The following C9orf40 variants were observed in gnomAD, a reference collection of about 807,000 sequenced individuals.
The protein encoded by C9orf40 is chromosome 9 open reading frame 40, also known as uncharacterized protein C9orf40.
In C9orf40, 2 loss-of-function variants were observed where a neutral mutation model predicts 7.9. The ratio of observed to expected loss-of-function variants is 0.25; its 90% CI spans 0.10 to 0.80. The LOEUF is 0.80. C9orf40 is among the 30% of genes least tolerant of loss of function. The probability of loss-of-function intolerance (pLI) is 0.68; values close to 1 mark genes in which losing one functional copy is unlikely to be tolerated. For missense variants in C9orf40, 256 were observed against 268.5 expected (o/e 0.95, Z 0.33); for synonymous variants, 113 against 117.6 (o/e 0.96, Z 0.25).
chr9:74,949,368 AAAAC>A (rs1263255945), intron 1 of C9orf40, among the ~76,000 whole-genome samples: 1 of 152,226 alleles, frequency 6.6e-6, no homozygotes, highest in East Asian at 1.9e-4. Flanking sequence ...CAATTTATGA[AAAAC>A]AAACAAATAA....
At position 74,948,158 on chromosome 9, in the gene C9orf40, G is replaced by A. The variant is rs186036248; in HGVS notation, c.475C>T (p.Pro159Ser). 11 of 1,612,666 alleles carry A rather than the reference G, an allele frequency of 6.8e-6. No homozygotes were observed. In the Admixed American group the frequency reaches 1.5e-4, roughly 22 times the overall value. Reference protein sequence around the residue: ...QYNTFQYWRNPLPPIDLADIE... With the variant: ...QYNTFQYWRNSLPPIDLADIE... ...TCTGCCAGATCAATAGGAGGCAAAG[G>A]ATTCCTCCAGTACTGGAAGGTATTA... The change falls in exon 2 of 2, where the codon CCT becomes TCT. Residue 159 changes from proline (P) to serine (S), a missense_variant. Physicochemically the swap from Pro to Ser is moderately conservative, Grantham distance 74. Coordinates refer to ENST00000376854, the MANE Select transcript of C9orf40 (RefSeq NM_017998.3).
At chr9:74,951,616 T>C (rs1187687589) in intron 1 of C9orf40, among the ~76,000 whole-genome samples, 7 of 152,162 alleles carry the variant, frequency 4.6e-5, no homozygotes, top group Admixed American at 4.6e-4. Context: ...AATGATACTT[T>C]TGCCTAGGAT....
chr9:74,950,305 G>A (rs1003664821), intron 1 of C9orf40, among the ~76,000 whole-genome samples: 1 of 152,224 alleles, frequency 6.6e-6, no homozygotes, highest in African/African-American at 2.4e-5. Context: ...GGCTACTAGA[G>A]AACTCTTACG....
At chr9:74,950,855 T>C (rs889940276) in intron 1 of C9orf40, among the ~76,000 whole-genome samples, 4 of 152,182 alleles carry the variant, frequency 2.6e-5, no homozygotes, top group Admixed American at 6.5e-5. Flanking sequence ...GAAAAAGTAG[T>C]ATGAATTCCT....
chr9:74,952,163 G>GCCCCCCCCCCCC lies in C9orf40; in HGVS notation c.426+22_426+23insGGGGGGGGGGGG. The GCCCCCCCCCCCC allele has an allele frequency of 2.8e-6, 1 of 351,746 alleles. No individual in the cohort carries two copies. Among genetic ancestry groups the GCCCCCCCCCCCC allele is most frequent in the Non-Finnish European group, 4.7e-6 (1 of 211,700 alleles). 21.8% of individuals were successfully genotyped at this position (351,746 alleles called of 1,614,324 possible). The stretch of plus-strand genomic sequence containing the variant: ...AAAAGGCAAGCCCCTTCGCCCCTCA[G>GCCCCCCCCCCCC]CCCACCCGCCCCCAGCCCCTACCTG... On this transcript the variant is annotated intron_variant, in intron 1 of 1. Transcript: ENST00000376854. This position sits in a 1 kb window ranked among gnomAD's most constrained non-coding sequence, Gnocchi z 5.4.
Position 74,952,412 on chromosome 9 carries a change from G to A in C9orf40, c.200C>T (p.Ser67Leu), listed in dbSNP as rs145798184. 3.1e-6 allele frequency: 5 copies of A among 1,589,790 alleles called. No individual in the cohort carries two copies. Among genetic ancestry groups the A allele is most frequent in the East Asian group, 2.3e-5 (1 of 43,406 alleles). The change falls in exon 1 of 2, where the codon TCG becomes TTG. Residue 67 changes from serine to leucine, a missense_variant. Ser to Leu is a moderately radical substitution (Grantham distance 145). Coordinates refer to ENST00000376854, the MANE Select transcript of C9orf40 (RefSeq NM_017998.3). This position sits in a 1 kb window ranked among gnomAD's most constrained non-coding sequence, Gnocchi z 5.4. Reference protein sequence around the residue: ...KIDAGTMAEPSASPSKRRDSG... With the variant: ...KIDAGTMAEPLASPSKRRDSG... ...GTCACGGCGCTTGCTGGGCGAAGCCGAGGGCTCTGCCATGGTCCCTGCGTC... is the reference window on the plus strand; with the variant it reads ...GTCACGGCGCTTGCTGGGCGAAGCCAAGGGCTCTGCCATGGTCCCTGCGTC...
At chr9:74,949,804 T>C (rs750019587) in intron 1 of C9orf40, among the ~76,000 whole-genome samples, 5 of 152,130 alleles carry the variant, frequency 3.3e-5, no homozygotes, top group South Asian at 2.1e-4. Flanking sequence ...GAGAGCATGA[T>C]TGTAAAAGAG....
rs1280877147 is a variant in C9orf40, at chr9:74,952,310, G to GGCGGCA, written c.296_301dup (p.Leu99_Pro100dup). ...CCCCGGCCCCGGCAGTACGGGCGGC[G>GGCGGCA]GCGGCAGCGGCGGATCGCCTGTCTC... On this transcript the variant is annotated inframe_insertion, in exon 1 of 2. Transcript: ENST00000376854. The surrounding 1 kb of genome is among the most constrained non-coding windows in gnomAD (Gnocchi z 5.4). 2 of 1,375,926 alleles carry GGCGGCA rather than the reference G, an allele frequency of 1.5e-6. No homozygotes were observed. The highest frequency in any genetic ancestry group is 1.5e-5 in the African/African-American group (1 of 67,164). 85.2% of individuals were successfully genotyped at this position (1,375,926 alleles called of 1,614,324 possible). A position where few individuals can be genotyped will look rare whatever the true frequency, so the allele number is the denominator to read the frequency against.
In C9orf40 at chr9:74,952,596, C is replaced by T; in HGVS notation, c.16G>A (p.Ala6Thr). The T allele has an allele frequency of 6.4e-7, 1 of 1,568,662 alleles. No individual in the cohort carries two copies. The highest frequency in any genetic ancestry group is 1.8e-5 in the Admixed American group (1 of 55,834). Residue 6 changes from alanine to threonine, a missense_variant, in exon 1 of 2, where the codon GCG (alanine) becomes ACG (threonine). Ala to Thr is a moderately conservative substitution (Grantham distance 58). Coordinates refer to ENST00000376854, the MANE Select transcript of C9orf40 (RefSeq NM_017998.3). The surrounding 1 kb of genome is among the most constrained non-coding windows in gnomAD (Gnocchi z 5.4). MAKRRAAEPVTFHVPW... is the reference protein window; with the variant it reads MAKRRTAEPVTFHVPW... ...ACGTGGAACGTCACCGGCTCGGCCG[C>T]ACGCCGCTTGGCCATGGGCCCAGAG...
rs1184765168 is a variant in C9orf40 at position 74,947,439 on chromosome 9, T to C, written c.*609A>G. ...TTCATTTTTCTTTATCCATCTTCAG[T>C]TGCCCATAGTAGAGCTTAACCAACA... On this transcript the variant is annotated 3_prime_UTR_variant, in exon 2 of 2. Transcript: ENST00000376854. The C allele has an allele frequency of 6.6e-6, 1 of 152,660 alleles. No individual in the cohort carries two copies. Among genetic ancestry groups the C allele is most frequent in the African/African-American group, 2.4e-5 (1 of 41,458 alleles). The allele number at this position is 152,660 out of a possible 1,614,324, so 9.5% of individuals were successfully genotyped here. A position where few individuals can be genotyped will look rare whatever the true frequency, so the allele number is the denominator to read the frequency against.
At chr9:74,951,164 C>T (rs1832290402) in intron 1 of C9orf40, among the ~76,000 whole-genome samples, 1 of 152,106 alleles carries the variant, frequency 6.6e-6, no homozygotes, top group African/African-American at 2.4e-5. Flanking sequence ...CTAGGCAAAC[C>T]GAGGCATACC....
chr9:74,952,304 G>GGCGGCGGCGGCA lies in C9orf40; in HGVS notation c.296_307dup (p.Leu99_Pro102dup). The GGCGGCGGCGGCA allele has an allele frequency of 7.3e-7, 1 of 1,367,122 alleles. No individual in the cohort carries two copies. Among genetic ancestry groups the GGCGGCGGCGGCA allele is most frequent in the Non-Finnish European group, 9.4e-7 (1 of 1,061,850 alleles). 84.7% of individuals were successfully genotyped at this position (1,367,122 alleles called of 1,614,324 possible). A position where few individuals can be genotyped will look rare whatever the true frequency, so the allele number is the denominator to read the frequency against. ...CTCCTCCCCCGGCCCCGGCAGTACG[G>GGCGGCGGCGGCA]GCGGCGGCGGCAGCGGCGGATCGCC... On this transcript the variant is annotated inframe_insertion, in exon 1 of 2. Transcript: ENST00000376854. This position sits in a 1 kb window ranked among gnomAD's most constrained non-coding sequence, Gnocchi z 5.4.
At chr9:74,949,844 G>T (rs1344100970) in intron 1 of C9orf40, among the ~76,000 whole-genome samples, 1 of 152,198 alleles carries the variant, frequency 6.6e-6, no homozygotes, top group Non-Finnish European at 1.5e-5. Context: ...CTAACAAAAA[G>T]AAGGAATAGG....
rs952921805 is a variant in C9orf40 at position 74,952,793 on chromosome 9, G to A, written c.-182C>T. ...GCGCAGGGCCTAGGGCTGGGGCTCC[G>A]GCTCGGAGGCAGCTCCCGCGCTCAG... On this transcript the variant is annotated 5_prime_UTR_variant, in exon 1 of 2. Coordinates refer to ENST00000376854, the MANE Select transcript of C9orf40 (RefSeq NM_017998.3). The surrounding 1 kb of genome is among the most constrained non-coding windows in gnomAD (Gnocchi z 5.4). 4 of 530,466 alleles carry A rather than the reference G, an allele frequency of 7.5e-6. No homozygotes were observed. Among genetic ancestry groups the A allele is most frequent in the Admixed American group, 4.2e-5 (1 of 24,024 alleles). The allele number at this position is 530,466 out of a possible 1,614,324, so 32.9% of individuals were successfully genotyped here.
intron 1 of C9orf40, among the ~76,000 whole-genome samples, chr9:74,949,808 A>G (rs1194578224): frequency 6.6e-6 from 1 of 152,204 alleles, no homozygotes; most frequent in African/African-American, 2.4e-5. Flanking sequence ...GCATGATTGT[A>G]AAAGAGAAGC....
chr9:74,952,004 C>T lies in C9orf40; in HGVS notation c.426+182G>A, dbSNP rs1832305634. 5.3e-5 allele frequency among the ~76,000 whole-genome samples: 8 copies of T among 152,224 alleles called. No individual in the cohort carries two copies. The highest frequency in any genetic ancestry group is 5.2e-4 in the Admixed American group (8 of 15,288). ...CCTCGCCCAGCCCAGTGCTTTCTGC[C>T]CATCGGACTCTCGGGGTGTGCTTCT... is the stretch of plus-strand genomic sequence containing the variant. On this transcript the variant is annotated intron_variant, in intron 1 of 1. Coordinates refer to ENST00000376854, the MANE Select transcript of C9orf40 (RefSeq NM_017998.3). The surrounding 1 kb of genome is among the most constrained non-coding windows in gnomAD (Gnocchi z 5.4).
Position 74,952,831 on chromosome 9 carries a change from C to G in C9orf40, c.-220G>C. 2.0e-6 allele frequency: 1 copy of G among 491,386 alleles called. No homozygotes were observed. Among genetic ancestry groups the G allele is most frequent in the Non-Finnish European group, 3.6e-6 (1 of 280,726 alleles). 30.4% of individuals were successfully genotyped at this position (491,386 alleles called of 1,614,324 possible). A position where few individuals can be genotyped will look rare whatever the true frequency, so the allele number is the denominator to read the frequency against. ...CTCCCGCGCTCAGCCCTCGCCGCCGCCGAGATGCGGCCCGGACGTTGAGAA... is the reference window on the plus strand; with the variant it reads ...CTCCCGCGCTCAGCCCTCGCCGCCGGCGAGATGCGGCCCGGACGTTGAGAA... On this transcript the variant is annotated 5_prime_UTR_variant, in exon 1 of 2. Transcript: ENST00000376854. This position sits in a 1 kb window ranked among gnomAD's most constrained non-coding sequence, Gnocchi z 5.4.
chr9:74,949,305 G>A (rs935058869), intron 1 of C9orf40, among the ~76,000 whole-genome samples: 3 of 152,062 alleles, frequency 2.0e-5, no homozygotes, highest in Non-Finnish European at 4.4e-5. Flanking sequence ...CAGAAGGATC[G>A]CTTGAGCCCC....
At position 74,946,610 on chromosome 9, in the gene C9orf40, A is replaced by G. The variant is rs984514210; in HGVS notation, c.*1438T>C. ...AGGTAGATACTATTTATTATTTCTC[A>G]TTTTACAGGTGAGAAATTTGAGGCT... is the stretch of plus-strand genomic sequence containing the variant. On this transcript the variant is annotated 3_prime_UTR_variant, in exon 2 of 2. Transcript: ENST00000376854. The G allele has an allele frequency of 6.6e-6, 1 of 152,106 alleles. No individual in the cohort carries two copies. Among genetic ancestry groups the G allele is most frequent in the Non-Finnish European group, 1.5e-5 (1 of 67,994 alleles). The allele number at this position is 152,106 out of a possible 1,614,324, so 9.4% of individuals were successfully genotyped here. A position where few individuals can be genotyped will look rare whatever the true frequency, so the allele number is the denominator to read the frequency against.
Sources: gnomAD v4.1 joint callset for allele counts (sites outside exome capture counted in the v4.1 genomes callset) on GRCh38, gnomAD v4.1.1 for gene constraint, Gnocchi (gnomAD v3.1) non-coding constraint, MANE v1.5 for transcripts, NCBI Gene and HGNC (gene_info 2026-07-23, HGNC 2026-07-21) for gene names.